The following PCDHA5 variants were observed in gnomAD, a reference collection of about 807,000 sequenced individuals.
PCDHA5 encodes protocadherin alpha-5.
A neutral mutation model predicts 61.6 loss-of-function variants in PCDHA5; 43 were observed. The ratio of observed to expected loss-of-function variants is 0.70; its 90% confidence interval spans 0.55 to 0.90. The LOEUF (loss-of-function observed/expected upper bound fraction) is 0.90. Among genes scored for constraint, PCDHA5 ranks in the 40% least tolerant of loss-of-function variants. The pLI, the probability that PCDHA5 is intolerant of heterozygous loss-of-function variation, is 0.00. For synonymous variants in PCDHA5, 627 were observed against 543.9 expected (o/e 1.15, Z -2.13); for missense variants, 1,298 against 1,222.7 (o/e 1.06, Z -0.92).
At chr5:140,842,375 C>T (rs1430792130) in intron 1 of PCDHA5, 3 of 1,609,572 alleles carry the variant, frequency 1.9e-6, no homozygotes, top group Non-Finnish European at 2.6e-6. Flanking sequence ...TGAGATAGCA[C>T]TGACTTCCTT....
intron 1 of PCDHA5, chr5:140,835,006 T>A: frequency 7.2e-7 from 1 of 1,393,804 alleles, no homozygotes; most frequent in Non-Finnish European, 9.7e-7. Context: ...ACTCCGGAGC[T>A]TCATTTATTG....
In PCDHA5 at chr5:140,822,637, G is replaced by A. The variant is rs2150118017; in HGVS notation, c.862G>A (p.Val288Ile). The A allele has an allele frequency of 1.2e-6, 2 of 1,610,588 alleles. No homozygotes were observed. The highest frequency in any genetic ancestry group is 1.7e-6 in the Non-Finnish European group (2 of 1,177,912). ...YFFSNLVLDD[V>I]KSKFIINSNT... ...CTTTAGTAATCTTGTTCTTGACGAT[G>A]TAAAGTCCAAATTTATAATTAATTC... The change falls in exon 1 of 4, where the codon GTA becomes ATA. Residue 288 changes from valine to isoleucine, a missense_variant. Coordinates refer to ENST00000529859, the MANE Select transcript of PCDHA5 (RefSeq NM_018908.3).
chr5:140,967,495 C>G, intron 1 of PCDHA5: 1 of 1,613,306 alleles, frequency 6.2e-7, no homozygotes. Flanking sequence ...CGGCACAGAT[C>G]TCTGTGCGTG....
chr5:140,845,984 T>C (rs2150383304), intron 1 of PCDHA5, among the ~76,000 whole-genome samples: 2 of 149,806 alleles, frequency 1.3e-5, no homozygotes, highest in African/African-American at 4.9e-5. Flanking sequence ...ATATTTTGAA[T>C]GTTGTGTGGT....
chr5:140,965,323 G>A (rs2095891055), intron 1 of PCDHA5, among the ~76,000 whole-genome samples: 1 of 152,176 alleles, frequency 6.6e-6, no homozygotes, highest in South Asian at 2.1e-4. Flanking sequence ...TTTTACTGAA[G>A]TGAATTTGTT....
At chr5:140,941,194 TCTTTCTTCC>T (rs781813612) in intron 1 of PCDHA5, among the ~76,000 whole-genome samples, 93 of 112,424 alleles carry the variant, frequency 8.3e-4, no homozygotes, top group South Asian at 2.2e-3. Flanking sequence ...TCTTTTTTTT[TCTTTCTTCC>T]TTTCTTTCTT....
In PCDHA5 at chr5:140,822,543, T is replaced by A; in HGVS notation, c.768T>A (p.Ser256Arg). Reference sequence around the variant, plus strand: ...TCAGATTGTTGGAAAATGCACCAAGTGGGACATTAGTTATTAAACTGAACG... The same window carrying A: ...TCAGATTGTTGGAAAATGCACCAAGAGGGACATTAGTTATTAAACTGAACG... ...YNVRLLENAP[S>R]GTLVIKLNAS... The change falls in exon 1 of 4, where the codon AGT (serine) becomes AGA (arginine). Residue 256 changes from serine (S) to arginine (R), a missense_variant. Ser to Arg is a moderately radical substitution (Grantham distance 110). Coordinates refer to ENST00000529859, the MANE Select transcript of PCDHA5 (RefSeq NM_018908.3). 6.2e-7 allele frequency: 1 copy of A among 1,613,924 alleles called. No homozygotes were observed. Among genetic ancestry groups the A allele is most frequent in the South Asian group, 1.1e-5 (1 of 91,086 alleles).
chr5:140,830,183 G>C, intron 1 of PCDHA5: 1 of 1,613,640 alleles, frequency 6.2e-7, no homozygotes, highest in Non-Finnish European at 8.5e-7. Flanking sequence ...GGATGTCAAC[G>C]TGTACCTGAT....
intron 1 of PCDHA5, among the ~76,000 whole-genome samples, chr5:140,976,253 T>G (rs1554237440): frequency 6.6e-6 from 1 of 152,124 alleles, no homozygotes; most frequent in Non-Finnish European, 1.5e-5. Context: ...TAAATTTATT[T>G]AAAACACAGA....
rs773891459 is a variant in PCDHA5, at chr5:140,856,191, C to T, written c.2352+32064C>T. The T allele has an allele frequency of 7.5e-6, 12 of 1,598,058 alleles. No homozygotes were observed. The South Asian group carries it at 1.2e-4, about 16-fold the overall frequency. On this transcript the variant is annotated intron_variant, in intron 1 of 3. Transcript: ENST00000529859. ...CACGGCACCTTCGTGGGCCGCATCG[C>T]GCAGGACCTGGGGCTGGAGCTGGCG...
At chr5:140,906,030 T>G (rs1554192342) in intron 1 of PCDHA5, among the ~76,000 whole-genome samples, 1 of 152,196 alleles carries the variant, frequency 6.6e-6, no homozygotes, top group Non-Finnish European at 1.5e-5. Flanking sequence ...CACGTTCTTC[T>G]GTCTGCTTTT....
At chr5:140,845,204 TAA>T (rs1554140859) in intron 1 of PCDHA5, among the ~76,000 whole-genome samples, 1 of 149,338 alleles carries the variant, frequency 6.7e-6, no homozygotes, top group Non-Finnish European at 1.5e-5. Flanking sequence ...TGTTTTCATT[TAA>T]GTCCTTTTAA....
rs144072974 is a variant in PCDHA5 at position 140,938,897 on chromosome 5, G to GCA, written c.2353-40040_2353-40039dup. 1.4e-3 allele frequency among the ~76,000 whole-genome samples: 215 copies of GCA among 151,312 alleles called. 3 individuals carry two copies. The East Asian group carries it at 0.032, about 22-fold the overall frequency. Reference sequence around the variant, plus strand: ...AAGCAACACACACACACACAGATGCGCACACACACACACGCACAAGAAATT... The same window carrying GCA: ...AAGCAACACACACACACACAGATGCGCACACACACACACACGCACAAGAAATT... On this transcript the variant is annotated intron_variant, in intron 1 of 3. Coordinates refer to ENST00000529859, the MANE Select transcript of PCDHA5 (RefSeq NM_018908.3).
At position 140,823,595 on chromosome 5, in the gene PCDHA5, C is replaced by T. The variant is rs2150127247; in HGVS notation, c.1820C>T (p.Ser607Leu). Residue 607 changes from serine to leucine, a missense_variant, in exon 1 of 4, where the codon TCG (serine) becomes TTG (leucine). Transcript: ENST00000529859. ...DPDSGYNAWL[S>L]YELQPAPGSA... ...GATTCGGGCTACAACGCTTGGCTTT[C>T]GTATGAGCTGCAGCCAGCGCCTGGC... 1.2e-6 allele frequency: 2 copies of T among 1,614,016 alleles called. No homozygotes were observed. The highest frequency in any genetic ancestry group is 1.7e-6 in the Non-Finnish European group (2 of 1,179,928).
intron 1 of PCDHA5, among the ~76,000 whole-genome samples, chr5:140,952,087 C>T (rs2094684318): frequency 6.6e-6 from 1 of 152,162 alleles, no homozygotes. Context: ...CTCCATGTCT[C>T]ACATCCAGGG....
At position 140,848,936 on chromosome 5, in the gene PCDHA5, G is replaced by T. The variant is rs2150425486; in HGVS notation, c.2352+24809G>T. On this transcript the variant is annotated intron_variant, in intron 1 of 3. Coordinates refer to ENST00000529859, the MANE Select transcript of PCDHA5 (RefSeq NM_018908.3). ...ATCTGTTCATCGCGGAATCCAGGCC[G>T]CTTGACTCTCGGTTTCCACTAGAGG... The T allele has an allele frequency of 3.7e-6, 6 of 1,607,362 alleles. 1 individual carries two copies. The highest frequency in any genetic ancestry group is 4.5e-5 in the East Asian group (2 of 44,818).
chr5:140,822,267 T>A lies in PCDHA5; in HGVS notation c.492T>A (p.Asn164Lys). Reference sequence around the variant, plus strand: ...CGTCGGATTTGGATATTGGAGCAAATGCACAATTGAGATACAGGTTAAATC... The same window carrying A: ...CGTCGGATTTGGATATTGGAGCAAAAGCACAATTGAGATACAGGTTAAATC... Reference protein sequence around the residue: ...EGASDLDIGANAQLRYRLNPN... With the variant: ...EGASDLDIGAKAQLRYRLNPN... Residue 164 changes from asparagine (N) to lysine (K), a missense_variant, in exon 1 of 4, where the codon AAT becomes AAA. Transcript: ENST00000529859. 1 of 1,614,250 alleles carries A rather than the reference T, an allele frequency of 6.2e-7. No homozygotes were observed. Among genetic ancestry groups the A allele is most frequent in the Non-Finnish European group, 8.5e-7 (1 of 1,180,046 alleles).
chr5:140,857,882 T>A, intron 1 of PCDHA5: 1 of 1,597,334 alleles, frequency 6.3e-7, no homozygotes, highest in Non-Finnish European at 8.6e-7. Flanking sequence ...TGAATTGCAG[T>A]CGGCGGCGGT....
At chr5:141,009,604 A>T (rs782247768) in intron 3 of PCDHA5, 23 bp from the exon 4 acceptor site, 2 of 1,608,944 alleles carry the variant, frequency 1.2e-6, no homozygotes, top group East Asian at 4.5e-5. Context: ...CCTGTTAATG[A>T]TTTGTAATGT....
Sources: gnomAD v4.1 joint callset for allele counts (sites outside exome capture counted in the v4.1 genomes callset) on GRCh38, gnomAD v4.1.1 for gene constraint, MANE v1.5 for transcripts, NCBI Gene and HGNC (gene_info 2026-07-23, HGNC 2026-07-21) for gene names.